DLC1: variants seen among roughly 807,000 people sequenced by gnomAD.
DLC1 encodes the protein DLC1 Rho GTPase activating protein, also known as rho GTPase-activating protein 7.
In DLC1, 54 loss-of-function variants were observed where a neutral mutation model predicts 140.3. The observed-to-expected ratio is 0.38, with a 90% CI of 0.31 to 0.48. The LOEUF is 0.48. Ranked by LOEUF, DLC1 falls within the 20% of genes least tolerant of loss-of-function variation. DLC1 has a pLI of 0.96. For missense variants in DLC1, 2,536 were observed against 1,907.0 expected (o/e 1.33, Z -6.14); for synonymous variants, 986 against 728.1 (o/e 1.35, Z -5.70).
At chr8:13,238,303 A>G (rs1829384139) in intron 5 of DLC1, among the ~76,000 whole-genome samples, 2 of 152,092 alleles carry the variant, frequency 1.3e-5, no homozygotes, top group Admixed American at 6.6e-5. Flanking sequence ...TCCTCTTCAA[A>G]TGTTCAAGAC....
intron 1 of DLC1, among the ~76,000 whole-genome samples, chr8:13,510,388 G>C (rs537305570): frequency 6.6e-6 from 1 of 152,094 alleles, no homozygotes; most frequent in Non-Finnish European, 1.5e-5. Context: ...TGTTGGTCAG[G>C]CTGGTCTCGA....
intron 5 of DLC1, among the ~76,000 whole-genome samples, chr8:13,229,293 G>A (rs1258452903): frequency 6.6e-6 from 1 of 152,122 alleles, no homozygotes; most frequent in Non-Finnish European, 1.5e-5. Flanking sequence ...ACAACATTAC[G>A]AACCTTGTAA....
At chr8:13,152,839 A>AAAAAAAAAG (rs56345301) in intron 5 of DLC1, among the ~76,000 whole-genome samples, 4 of 150,352 alleles carry the variant, frequency 2.7e-5, no homozygotes, top group African/African-American at 4.9e-5. Flanking sequence ...AAAAAAAAAA[A>AAAAAAAAAG]GCAACCAACC....
intron 1 of DLC1, among the ~76,000 whole-genome samples, chr8:13,572,291 G>T (rs1585288778): frequency 6.6e-6 from 1 of 151,816 alleles, no homozygotes; most frequent in African/African-American, 2.4e-5. Context: ...GGGTTTCACC[G>T]TGTTAGCCAG....
chr8:13,102,893 C>T (rs1174281466), intron 7 of DLC1, 40 bp from the exon 8 acceptor site: 2 of 1,573,970 alleles, frequency 1.3e-6, no homozygotes, highest in Non-Finnish European at 1.7e-6. Flanking sequence ...GATAGGCAAC[C>T]ACTCTCTAAT....
intron 2 of DLC1, among the ~76,000 whole-genome samples, chr8:13,459,725 G>A (rs538968227): frequency 3.3e-5 from 5 of 152,038 alleles, no homozygotes; most frequent in South Asian, 4.2e-4. Flanking sequence ...TTTCCCATCC[G>A]GTCTAAATAG....
At chr8:13,368,835 T>G (rs1835607143) in intron 4 of DLC1, among the ~76,000 whole-genome samples, 1 of 152,170 alleles carries the variant, frequency 6.6e-6, no homozygotes, top group Non-Finnish European at 1.5e-5. Context: ...GGTTATTTAT[T>G]TATTTTAAGA....
upstream of DLC1, chr8:13,514,983 G>A (rs537364910): frequency 6.2e-5 from 14 of 226,348 alleles, no homozygotes; most frequent in African/African-American, 2.9e-4. Flanking sequence ...CCGCCTGGGC[G>A]TTTTAGGAGT....
chr8:13,356,376 G>A (rs1191253955), intron 4 of DLC1, among the ~76,000 whole-genome samples: 3 of 152,106 alleles, frequency 2.0e-5, no homozygotes, highest in Non-Finnish European at 2.9e-5. Context: ...TCCTCAGAAA[G>A]ATATTCAAAG....
rs1203031983 is a variant in DLC1 at position 13,377,154 on chromosome 8, T to TACC, written c.1314+16398_1314+16399insGGT. ...CTAAAGGTATCCACTCAGTTGTGAA[T>TACC]TCTCAAGTCCAAGGGCAGCATCTTA... On this transcript the variant is annotated intron_variant, in intron 4 of 17. Coordinates refer to ENST00000276297, the MANE Select transcript of DLC1 (RefSeq NM_182643.3). 2.6e-5 allele frequency among the ~76,000 whole-genome samples: 4 copies of TACC among 152,168 alleles called. No individual in the cohort carries two copies. In the East Asian group the frequency reaches 7.7e-4, roughly 29 times the overall value.
At chr8:13,531,130 T>G (rs1564546) in intron 1 of DLC1, among the ~76,000 whole-genome samples, 1 of 151,986 alleles carries the variant, frequency 6.6e-6, no homozygotes, top group Non-Finnish European at 1.5e-5. Context: ...AGAGGGTTGT[T>G]TCCTGGAACT....
chr8:13,326,659 A>T (rs915673390), intron 4 of DLC1, among the ~76,000 whole-genome samples: 1 of 152,118 alleles, frequency 6.6e-6, no homozygotes, highest in South Asian at 2.1e-4. Context: ...TTCCCTTTCC[A>T]GGTTAGCTAG....
chr8:13,517,979 C>G (rs1802644850), upstream of DLC1, among the ~76,000 whole-genome samples: 1 of 152,122 alleles, frequency 6.6e-6, no homozygotes, highest in Non-Finnish European at 1.5e-5. Flanking sequence ...TCTCTCTCTT[C>G]TATTGAACTC....
chr8:13,459,952 G>A (rs1027089390), intron 2 of DLC1, among the ~76,000 whole-genome samples: 4 of 152,094 alleles, frequency 2.6e-5, no homozygotes, highest in Non-Finnish European at 5.9e-5. Flanking sequence ...GTGCCGGGAA[G>A]GACCTCCTGG....
In DLC1 at chr8:13,370,128, T is replaced by C. The variant is rs553777466; in HGVS notation, c.1314+23425A>G. Among the ~76,000 whole-genome samples the C allele has an allele frequency of 2.6e-5, 4 of 151,628 alleles. No homozygotes were observed. The East Asian group carries it at 7.8e-4, about 29-fold the overall frequency. The stretch of plus-strand genomic sequence containing the variant: ...TTTACTCAAAAACCTAATGTCACCT[T>C]CTTAGTAAAGCCTACCTTGATCACT... On this transcript the variant is annotated intron_variant, in intron 4 of 17. Coordinates refer to ENST00000276297, the MANE Select transcript of DLC1 (RefSeq NM_182643.3).
intron 1 of DLC1, among the ~76,000 whole-genome samples, chr8:13,551,053 C>T (rs1336689602): frequency 1.1e-4 from 2 of 18,078 alleles, no homozygotes; most frequent in Non-Finnish European, 6.0e-4. Flanking sequence ...TTTAAACACA[C>T]ACACACACAC....
At chr8:13,164,812 G>C (rs1333059155) in intron 5 of DLC1, among the ~76,000 whole-genome samples, 1 of 152,166 alleles carries the variant, frequency 6.6e-6, no homozygotes, top group Non-Finnish European at 1.5e-5. Flanking sequence ...TTGTTTGTCA[G>C]CTCTGGCAAT....
intron 5 of DLC1, among the ~76,000 whole-genome samples, chr8:13,264,511 TA>T (rs1830607988): frequency 6.6e-6 from 1 of 152,100 alleles, no homozygotes; most frequent in South Asian, 2.1e-4. Context: ...TGGGGACACT[TA>T]AATGTGTAAC....
chr8:13,487,461 C>G (rs1169019731), intron 2 of DLC1, among the ~76,000 whole-genome samples: 1 of 152,090 alleles, frequency 6.6e-6, no homozygotes, highest in Non-Finnish European at 1.5e-5. Context: ...AACCTCAGCA[C>G]TAATCTTTCC....
Sources: gnomAD v4.1 joint callset for allele counts (sites outside exome capture counted in the v4.1 genomes callset) on GRCh38, gnomAD v4.1.1 for gene constraint, MANE v1.5 for transcripts, NCBI Gene and HGNC (gene_info 2026-07-23, HGNC 2026-07-21) for gene names.